Variants in TMTC1 observed in about 807,000 individuals in gnomAD.
TMTC1 encodes transmembrane O-mannosyltransferase targeting cadherins 1, also known as protein O-mannosyl-transferase TMTC1.
TMTC1 carries 73 observed loss-of-function variants against 104.8 expected under a neutral mutation model. The observed-to-expected ratio is 0.70, with a 90% confidence interval of 0.58 to 0.85. The LOEUF (loss-of-function observed/expected upper bound fraction) is 0.85, where lower values mean the gene tolerates loss of function less well. Among genes scored for constraint, TMTC1 ranks in the 40% least tolerant of loss-of-function variants. The pLI is 0.00. For missense variants in TMTC1, 1,035 were observed against 1,096.1 expected (o/e 0.94, Z 0.79); for synonymous variants, 434 against 428.7 (o/e 1.01, Z -0.15).
At chr12:29,615,812 T>G (rs1459892862) in intron 6 of TMTC1, among the ~76,000 whole-genome samples, 2 of 152,104 alleles carry the variant, frequency 1.3e-5, no homozygotes, top group African/African-American at 4.8e-5. Flanking sequence ...GCTAAAAAGG[T>G]AATAATATGA....
intron 11 of TMTC1, chr12:29,534,426 C>T (rs1373657083): frequency 1.3e-5 from 2 of 152,190 alleles, no homozygotes; most frequent in Non-Finnish European, 2.9e-5. Context: ...AAAGATGGGA[C>T]CTTTGTGTGT....
At chr12:29,620,501 C>T (rs73268031) in intron 6 of TMTC1, among the ~76,000 whole-genome samples, 2,276 of 152,262 alleles carry the variant, frequency 0.015, 50 homozygotes, top group African/African-American at 0.051. Flanking sequence ...CAAATGAAAT[C>T]GAATGACAAT....
chr12:29,670,029 C>T (rs1940446534), intron 5 of TMTC1, among the ~76,000 whole-genome samples: 1 of 152,172 alleles, frequency 6.6e-6, no homozygotes, highest in African/African-American at 2.4e-5. Context: ...TCCGTTATTT[C>T]CATCCATCCA....
chr12:29,632,893 C>T (rs531587486), intron 6 of TMTC1, among the ~76,000 whole-genome samples: 27 of 152,166 alleles, frequency 1.8e-4, no homozygotes, highest in African/African-American at 6.0e-4. Flanking sequence ...AAATAAATTA[C>T]TTTGAAAATC....
intron 9 of TMTC1, among the ~76,000 whole-genome samples, 187 bp downstream of exon 9, chr12:29,571,918 T>C (rs1434376177): frequency 1.3e-5 from 2 of 152,230 alleles, no homozygotes; most frequent in Admixed American, 1.3e-4. Flanking sequence ...GGTAGAGTTA[T>C]TGCATTAATA....
At chr12:29,543,023 C>A (rs1944845250) in intron 10 of TMTC1, among the ~76,000 whole-genome samples, 1 of 152,062 alleles carries the variant, frequency 6.6e-6, no homozygotes, top group African/African-American at 2.4e-5. Context: ...CCGGGAGCTT[C>A]CAAAAGGCTA....
At chr12:29,584,054 C>T (rs1206503582) in intron 7 of TMTC1, among the ~76,000 whole-genome samples, 1 of 152,126 alleles carries the variant, frequency 6.6e-6, no homozygotes, top group East Asian at 1.9e-4. Context: ...ATGCTGGTCA[C>T]CAAGGAGGAC....
At chr12:29,703,648 C>T (rs1273992026) in intron 5 of TMTC1, among the ~76,000 whole-genome samples, 2 of 152,182 alleles carry the variant, frequency 1.3e-5, no homozygotes, top group East Asian at 3.9e-4. Context: ...GTTACAGCAA[C>T]TTATTCCAGT....
At chr12:29,661,720 G>A (rs1940039728) in intron 5 of TMTC1, among the ~76,000 whole-genome samples, 1 of 152,186 alleles carries the variant, frequency 6.6e-6, no homozygotes, top group Non-Finnish European at 1.5e-5. Context: ...ACAGGCGTGA[G>A]CCACTGCACC....
intron 1 of TMTC1, among the ~76,000 whole-genome samples, chr12:29,772,549 C>T (rs1003778291): frequency 5.9e-5 from 9 of 152,178 alleles, no homozygotes; most frequent in African/African-American, 2.2e-4. Flanking sequence ...ATCCAGCTCA[C>T]TTCACTCACT....
At chr12:29,653,595 T>C (rs1214858421) in intron 5 of TMTC1, among the ~76,000 whole-genome samples, 1 of 152,024 alleles carries the variant, frequency 6.6e-6, no homozygotes. Context: ...GCATTTACTA[T>C]TCAACTTCAT....
At chr12:29,648,220 G>A (rs748622813) in intron 5 of TMTC1, among the ~76,000 whole-genome samples, 1 of 152,118 alleles carries the variant, frequency 6.6e-6, no homozygotes, top group Non-Finnish European at 1.5e-5. Flanking sequence ...CTGGGCATCT[G>A]GACTTCAGAA....
chr12:29,653,085 T>C (rs763529938), intron 5 of TMTC1, among the ~76,000 whole-genome samples: 10 of 149,996 alleles, frequency 6.7e-5, no homozygotes, highest in African/African-American at 2.2e-4. Flanking sequence ...ATATATATTA[T>C]ATATATTTTT....
chr12:29,654,432 A>T (rs551751540), intron 5 of TMTC1, among the ~76,000 whole-genome samples: 205 of 152,340 alleles, frequency 1.3e-3, no homozygotes, highest in South Asian at 1.0e-3. Context: ...TGGCTATAAT[A>T]AAACACACTG....
intron 5 of TMTC1, among the ~76,000 whole-genome samples, chr12:29,670,383 G>A (rs1320320499): frequency 2.6e-5 from 4 of 152,014 alleles, no homozygotes; most frequent in East Asian, 1.9e-4. Flanking sequence ...CCTGTCAGAC[G>A]GGCACTATTA....
chr12:29,696,045 G>A (rs984430562), intron 5 of TMTC1, among the ~76,000 whole-genome samples: 1 of 151,862 alleles, frequency 6.6e-6, no homozygotes, highest in African/African-American at 2.4e-5. Flanking sequence ...CCTTCCAGTG[G>A]TGTTTTTCCA....
At chr12:29,649,782 T>A (rs1939432015) in intron 5 of TMTC1, among the ~76,000 whole-genome samples, 1 of 152,210 alleles carries the variant, frequency 6.6e-6, no homozygotes, top group Admixed American at 6.5e-5. Flanking sequence ...ATAATTACAG[T>A]CAACTTTCTG....
intron 10 of TMTC1, 78 bp from the exon 11 acceptor site, chr12:29,536,395 A>C: frequency 1.1e-6 from 1 of 917,802 alleles, no homozygotes; most frequent in Non-Finnish European, 1.7e-6. Flanking sequence ...AGACTCTAAA[A>C]ATCTCATTTC....
chr12:29,683,174 G>A (rs181159962), intron 5 of TMTC1, among the ~76,000 whole-genome samples: 111 of 152,296 alleles, frequency 7.3e-4, no homozygotes, highest in Non-Finnish European at 1.4e-3. Flanking sequence ...TGCAGCTGGA[G>A]ATGGTTACCC....
Sources: gnomAD v4.1 joint callset for allele counts (sites outside exome capture counted in the v4.1 genomes callset) on GRCh38, gnomAD v4.1.1 for gene constraint, MANE v1.5 for transcripts, NCBI Gene and HGNC (gene_info 2026-07-23, HGNC 2026-07-21) for gene names.